WWOX: variants seen among roughly 807,000 people sequenced by gnomAD.
WWOX encodes WW domain containing oxidoreductase.
In WWOX, 69 loss-of-function variants were observed where a neutral mutation model predicts 46.2. The observed-to-expected ratio is 1.49, with a 90% CI of 1.23 to 1.82. The LOEUF (loss-of-function observed/expected upper bound fraction) is 1.82. WWOX is among the 40% of genes most tolerant of loss of function. The pLI, the probability that WWOX is intolerant of heterozygous loss-of-function variation, is 0.00. For missense variants in WWOX, 919 were observed against 542.6 expected, an observed-to-expected ratio of 1.69 and a Z score of -6.89; for synonymous variants, 359 against 202.6, an observed-to-expected ratio of 1.77 and a Z score of -6.56.
At chr16:78,975,599 C>T (rs774926355) in intron 8 of WWOX, among the ~76,000 whole-genome samples, 4 of 152,088 alleles carry the variant, frequency 2.6e-5, no homozygotes, top group South Asian at 2.1e-4. Context: ...GTATATGCCT[C>T]GTAAATGAAA....
At chr16:78,835,720 T>G (rs888608848) in intron 8 of WWOX, among the ~76,000 whole-genome samples, 5 of 152,192 alleles carry the variant, frequency 3.3e-5, no homozygotes, top group Admixed American at 2.0e-4. Flanking sequence ...GTGAAGAAAT[T>G]GAGCAAACTA....
intron 8 of WWOX, among the ~76,000 whole-genome samples, chr16:78,854,431 C>G (rs763597904): frequency 6.6e-6 from 1 of 152,194 alleles, no homozygotes; most frequent in Non-Finnish European, 1.5e-5. Context: ...GAGATGAAGA[C>G]TGTCCTTTAG....
At chr16:78,639,810 C>T (rs910156392) in intron 8 of WWOX, among the ~76,000 whole-genome samples, 8 of 152,262 alleles carry the variant, frequency 5.3e-5, no homozygotes, top group African/African-American at 1.9e-4. Context: ...AGGTGATCCA[C>T]CTGCCCCAGC....
At chr16:78,546,737 C>G (rs1281993176) in intron 8 of WWOX, among the ~76,000 whole-genome samples, 1 of 152,084 alleles carries the variant, frequency 6.6e-6, no homozygotes. Context: ...GTCCATGAAC[C>G]ACACTTTGAG....
chr16:79,038,901 A>C (rs575150866), intron 8 of WWOX, among the ~76,000 whole-genome samples: 1 of 152,230 alleles, frequency 6.6e-6, no homozygotes, highest in East Asian at 1.9e-4. Context: ...GATGTAAAGC[A>C]TACATAGAGG....
At chr16:78,972,620 A>G (rs1049612927) in intron 8 of WWOX, among the ~76,000 whole-genome samples, 9 of 152,110 alleles carry the variant, frequency 5.9e-5, no homozygotes, top group Admixed American at 4.6e-4. Context: ...CATAAAGTAC[A>G]TACCGCTGCA....
chr16:78,118,022 G>GTTCTTTCT (rs376247260), intron 4 of WWOX, among the ~76,000 whole-genome samples: 269 of 150,178 alleles, frequency 1.8e-3, no homozygotes, highest in Middle Eastern at 3.4e-3. Context: ...ATTTCCAGTG[G>GTTCTTTCT]TTCTTTCTTT....
At chr16:79,037,058 G>T (rs776415409) in intron 8 of WWOX, among the ~76,000 whole-genome samples, 5 of 152,174 alleles carry the variant, frequency 3.3e-5, no homozygotes, top group Non-Finnish European at 7.3e-5. Flanking sequence ...TGTTAAGAAT[G>T]CAGGGCTCTT....
At chr16:78,886,093 T>G (rs1440387612) in intron 8 of WWOX, among the ~76,000 whole-genome samples, 1 of 151,820 alleles carries the variant, frequency 6.6e-6, no homozygotes, top group Non-Finnish European at 1.5e-5. Flanking sequence ...CCAGGCTAAT[T>G]TTTGTATATT....
At chr16:78,874,255 CAA>C (rs55971104) in intron 8 of WWOX, among the ~76,000 whole-genome samples, 22 of 91,474 alleles carry the variant, frequency 2.4e-4, no homozygotes, top group Admixed American at 2.4e-4. Context: ...GACTCTGTCT[CAA>C]AAAAAAAAAA....
intron 8 of WWOX, among the ~76,000 whole-genome samples, chr16:78,603,231 A>T (rs950776324): frequency 1.3e-5 from 2 of 152,224 alleles, no homozygotes; most frequent in South Asian, 4.1e-4. Flanking sequence ...CATGGCACAG[A>T]TAAGGCATTG....
At chr16:78,505,848 G>A (rs553428024) in intron 8 of WWOX, among the ~76,000 whole-genome samples, 20 of 152,298 alleles carry the variant, frequency 1.3e-4, no homozygotes, top group African/African-American at 4.6e-4. Flanking sequence ...GAGAGTGGGT[G>A]GAGAGGACTC....
At chr16:78,228,625 A>T (rs895207894) in intron 5 of WWOX, among the ~76,000 whole-genome samples, 3 of 152,204 alleles carry the variant, frequency 2.0e-5, no homozygotes, top group Non-Finnish European at 2.9e-5. Context: ...TACAGGTGTG[A>T]GCCACTGTAT....
intron 8 of WWOX, chr16:79,077,923 T>G (rs185914747): frequency 6.6e-6 from 1 of 152,088 alleles, no homozygotes; most frequent in African/African-American, 2.4e-5. Context: ...GTGGGGTTGG[T>G]TTTTGGCACC....
chr16:78,876,816 A>G (rs987793033), intron 8 of WWOX, among the ~76,000 whole-genome samples: 6 of 152,204 alleles, frequency 3.9e-5, no homozygotes, highest in African/African-American at 1.4e-4. Flanking sequence ...GTGCTCAAAC[A>G]GATATTTTCA....
chr16:78,379,524 A>C (rs762937483), intron 5 of WWOX, among the ~76,000 whole-genome samples: 7 of 152,188 alleles, frequency 4.6e-5, no homozygotes, highest in Admixed American at 4.6e-4. Flanking sequence ...CAGCATAACA[A>C]AGAGCTGCTG....
intron 8 of WWOX, among the ~76,000 whole-genome samples, chr16:79,087,572 C>G (rs929841111): frequency 6.6e-6 from 1 of 152,174 alleles, no homozygotes; most frequent in African/African-American, 2.4e-5. Flanking sequence ...AGACTCTGTG[C>G]TGGACAAGAA....
At chr16:79,078,978 T>C in intron 8 of WWOX, among the ~76,000 whole-genome samples, 1 of 152,210 alleles carries the variant, frequency 6.6e-6, no homozygotes, top group East Asian at 1.9e-4. Flanking sequence ...CCCCCCAAAT[T>C]TGATAGAAAT....
chr16:78,396,073 T>A (rs4563050), intron 6 of WWOX, among the ~76,000 whole-genome samples: 23,647 of 152,102 alleles, frequency 0.16, 2,361 homozygotes, highest in East Asian at 0.42. Flanking sequence ...TTTTTTGCCC[T>A]CACCTCATCA....
Sources: gnomAD v4.1 joint callset for allele counts (sites outside exome capture counted in the v4.1 genomes callset) on GRCh38, gnomAD v4.1.1 for gene constraint, MANE v1.5 for transcripts, NCBI Gene and HGNC (gene_info 2026-07-23, HGNC 2026-07-21) for gene names.